Variants in PRRX2 observed in about 807,000 individuals in gnomAD.
PRRX2 encodes paired mesoderm homeobox protein 2.
Under a neutral mutation model 18.0 loss-of-function variants are expected in PRRX2, and 11 were observed. The observed-to-expected ratio is 0.61, with a 90% confidence interval of 0.39 to 1.01. PRRX2 has a LOEUF of 1.01. PRRX2 is among the 50% of genes least tolerant of loss of function. The pLI is 0.01. For missense variants in PRRX2, 387 were observed against 351.0 expected (o/e 1.10, Z -0.82); for synonymous variants, 177 against 154.8 (o/e 1.14, Z -1.06).
chr9:129,698,271 G>A (rs75123749), intron 1 of PRRX2, among the ~76,000 whole-genome samples: 1 of 96,826 alleles, frequency 1.0e-5, no homozygotes, highest in East Asian at 3.6e-4. Flanking sequence ...GGGGGGGGGG[G>A]GCGGGGGCAC....
Position 129,665,959 on chromosome 9 carries a change from G to C in PRRX2, c.92G>C (p.Cys31Ser), listed in dbSNP as rs1360959536. Reference protein sequence around the residue: ...PPPPALGPGDCAQARKNFSVS... With the variant: ...PPPPALGPGDSAQARKNFSVS... ...CCACCCGCGCTGGGGCCCGGCGACT[G>C]CGCCCAGGCGCGCAAGAACTTCTCG... Residue 31 changes from cysteine (C) to serine (S), a missense_variant, in exon 1 of 4, where the codon TGC (cysteine) becomes TCC (serine). Coordinates refer to ENST00000372469, the MANE Select transcript of PRRX2 (RefSeq NM_016307.4). This position sits in a 1 kb window ranked among gnomAD's most constrained non-coding sequence, Gnocchi z 5.3. 2.6e-6 allele frequency: 3 copies of C among 1,139,944 alleles called. No individual in the cohort carries two copies. The highest frequency in any genetic ancestry group is 3.2e-6 in the Non-Finnish European group (3 of 923,204). The allele number at this position is 1,139,944 out of a possible 1,614,324, so 70.6% of individuals were successfully genotyped here. A position where few individuals can be genotyped will look rare whatever the true frequency, so the allele number is the denominator to read the frequency against.
Position 129,720,771 on chromosome 9 carries a change from A to T in PRRX2, c.623A>T (p.Tyr208Phe). 1 of 1,578,390 alleles carries T rather than the reference A, an allele frequency of 6.3e-7. No homozygotes were observed. Among genetic ancestry groups the T allele is most frequent in the Non-Finnish European group, 8.6e-7 (1 of 1,160,084 alleles). The change falls in exon 3 of 4, where the codon TAC (tyrosine) becomes TTC (phenylalanine). Residue 208 changes from tyrosine (Y) to phenylalanine (F), a missense_variant. By Grantham distance (22) the Tyr-to-Phe change is conservative. Transcript: ENST00000372469. ...CTCTCCTGGACAGCCTCGTCCCCCT[A>T]CAGGTGAGAGCGGGAACACCTTTGG... is the stretch of plus-strand genomic sequence containing the variant. ...DYLSWTASSP[Y>F]STVPPYSPGS...
At chr9:129,676,544 C>T (rs547769550) in intron 1 of PRRX2, among the ~76,000 whole-genome samples, 1 of 152,288 alleles carries the variant, frequency 6.6e-6, no homozygotes, top group East Asian at 1.9e-4. Flanking sequence ...GAAGCCAGAG[C>T]CCATGTGCTT....
chr9:129,701,256 C>A (rs898297995), intron 1 of PRRX2, among the ~76,000 whole-genome samples: 2 of 152,212 alleles, frequency 1.3e-5, no homozygotes, highest in Admixed American at 1.3e-4. Flanking sequence ...CACTGTGTGT[C>A]GCTCACAGCG....
rs1428740696 is a variant in PRRX2 at position 129,666,066 on chromosome 9, G to C, written c.199G>C (p.Glu67Gln). 25 of 1,043,696 alleles carry C rather than the reference G, an allele frequency of 2.4e-5. No homozygotes were observed. Among genetic ancestry groups the C allele is most frequent in the Non-Finnish European group, 2.9e-5 (25 of 870,952 alleles). 64.7% of individuals were successfully genotyped at this position (1,043,696 alleles called of 1,614,324 possible). A position where few individuals can be genotyped will look rare whatever the true frequency, so the allele number is the denominator to read the frequency against. ...ARPGARAEAREGAAREPSGGS... is the reference protein window; with the variant it reads ...ARPGARAEARQGAAREPSGGS... Reference sequence around the variant, plus strand: ...CCCCGGGGCCAGGGCCGAGGCGCGGGAGGGCGCAGCACGGGAGCCGTCCGG... The same window carrying C: ...CCCCGGGGCCAGGGCCGAGGCGCGGCAGGGCGCAGCACGGGAGCCGTCCGG... The change falls in exon 1 of 4, where the codon GAG becomes CAG. Residue 67 changes from glutamate (E) to glutamine (Q), a missense_variant. Physicochemically the swap from Glu to Gln is conservative, Grantham distance 29 (BLOSUM62 2). Coordinates refer to ENST00000372469, the MANE Select transcript of PRRX2 (RefSeq NM_016307.4).
rs1311311715 is a variant in PRRX2 at position 129,715,124 on chromosome 9, C to T, written c.260-4107C>T. ...CCACAGGGCCACCACGTGCTCCCTC[C>T]CCACTGCCCCCACAGCCCCCGCCTG... is the stretch of plus-strand genomic sequence containing the variant. On this transcript the variant is annotated intron_variant, in intron 1 of 3. Coordinates refer to ENST00000372469, the MANE Select transcript of PRRX2 (RefSeq NM_016307.4). The surrounding 1 kb of genome is among the most constrained non-coding windows in gnomAD (Gnocchi z 4.0). 1.3e-5 allele frequency among the ~76,000 whole-genome samples: 2 copies of T among 152,124 alleles called. No individual in the cohort carries two copies. The highest frequency in any genetic ancestry group is 2.9e-5 in the Non-Finnish European group (2 of 68,038).
chr9:129,687,510 C>T (rs575596746), intron 1 of PRRX2, among the ~76,000 whole-genome samples: 1 of 152,324 alleles, frequency 6.6e-6, no homozygotes, highest in East Asian at 1.9e-4. Context: ...GCCACTCCAC[C>T]GTCACTAACT....
chr9:129,688,005 C>T (rs1355267733), intron 1 of PRRX2, among the ~76,000 whole-genome samples: 1 of 152,186 alleles, frequency 6.6e-6, no homozygotes, highest in East Asian at 1.9e-4. Context: ...AAGCGGTCCT[C>T]CTGCCTAAGC....
Position 129,675,684 on chromosome 9 carries a change from G to A in PRRX2, c.259+9558G>A, listed in dbSNP as rs1832155079. Among the ~76,000 whole-genome samples, 3 of 151,464 alleles carry A rather than the reference G, an allele frequency of 2.0e-5. No homozygotes were observed. Among genetic ancestry groups the A allele is most frequent in the Non-Finnish European group, 4.4e-5 (3 of 67,942 alleles). Reference sequence around the variant, plus strand: ...GCTGGCCTCCCTTCTTGCCGTGGGCGCAGACGTTTACACGCCAGAGATGGC... The same window carrying A: ...GCTGGCCTCCCTTCTTGCCGTGGGCACAGACGTTTACACGCCAGAGATGGC... On this transcript the variant is annotated intron_variant, in intron 1 of 3. Coordinates refer to ENST00000372469, the MANE Select transcript of PRRX2 (RefSeq NM_016307.4). The surrounding 1 kb of genome is among the most constrained non-coding windows in gnomAD (Gnocchi z 4.4).
rs930329065 is a variant in PRRX2, at chr9:129,696,999, C to G, written c.260-22232C>G. 4.6e-5 allele frequency among the ~76,000 whole-genome samples: 7 copies of G among 152,244 alleles called. No homozygotes were observed. In the East Asian group the frequency reaches 1.2e-3, roughly 25 times the overall value. On this transcript the variant is annotated intron_variant, in intron 1 of 3. Transcript: ENST00000372469. The stretch of plus-strand genomic sequence containing the variant: ...TGGGCGACTGACCTCCCTCCCTAGT[C>G]TCGGTTATCCCGACTGTTAAACGGG...
intron 1 of PRRX2, among the ~76,000 whole-genome samples, chr9:129,698,291 G>A (rs1173436719): frequency 7.3e-6 from 1 of 136,594 alleles, no homozygotes; most frequent in African/African-American, 2.6e-5. Context: ...CTTAGGCTCT[G>A]TCTCCATGGT....
chr9:129,702,169 G>A (rs1433197442), intron 1 of PRRX2, among the ~76,000 whole-genome samples: 2 of 151,880 alleles, frequency 1.3e-5, no homozygotes, highest in Middle Eastern at 3.2e-3. Flanking sequence ...AGGCTGAGGC[G>A]GGTGGATCAC....
intron 1 of PRRX2, among the ~76,000 whole-genome samples, chr9:129,705,636 C>T (rs1435507420): frequency 4.0e-5 from 6 of 151,350 alleles, no homozygotes; most frequent in African/African-American, 1.5e-4. Context: ...ATTACAAGCA[C>T]GAGCCACTGT....
intron 1 of PRRX2, among the ~76,000 whole-genome samples, chr9:129,689,598 C>T (rs949604876): frequency 6.6e-6 from 1 of 152,040 alleles, no homozygotes; most frequent in Non-Finnish European, 1.5e-5. Flanking sequence ...GCGCAAAGAC[C>T]TTGCACTTGG....
chr9:129,721,860 C>T (rs1030315831), intron 3 of PRRX2, among the ~76,000 whole-genome samples: 2 of 152,008 alleles, frequency 1.3e-5, no homozygotes, highest in African/African-American at 4.8e-5. Flanking sequence ...GGATTACAGG[C>T]GTGAGCCACC....
At chr9:129,688,435 C>T (rs1031779945) in intron 1 of PRRX2, among the ~76,000 whole-genome samples, 7 of 152,180 alleles carry the variant, frequency 4.6e-5, no homozygotes, top group African/African-American at 1.7e-4. Flanking sequence ...TACCCTGGAC[C>T]TGTGTCTACA....
intron 1 of PRRX2, among the ~76,000 whole-genome samples, chr9:129,669,683 G>A (rs981276976): frequency 1.3e-5 from 2 of 152,174 alleles, no homozygotes; most frequent in Non-Finnish European, 2.9e-5. Flanking sequence ...GCAAGGCAGG[G>A]TGAGGTGGGA....
intron 1 of PRRX2, among the ~76,000 whole-genome samples, chr9:129,697,354 C>T (rs866965611): frequency 1.3e-5 from 2 of 151,984 alleles, no homozygotes; most frequent in Non-Finnish European, 2.9e-5. Flanking sequence ...CCCTCCCGCC[C>T]GGCCGGGGCG....
Position 129,719,212 on chromosome 9 carries a change from GC to G in PRRX2, c.260-12del, listed in dbSNP as rs3214712. The G allele has an allele frequency of 8.4e-6, 13 of 1,541,674 alleles. No individual in the cohort carries two copies. The highest frequency in any genetic ancestry group is 2.3e-5 in the East Asian group (1 of 42,782). ...CACTGGCCGTCCTGCTGACCATCCCGCCCCCCCAACCTCCGCAGGTGAGTGT... is the reference window on the plus strand; with the variant it reads ...CACTGGCCGTCCTGCTGACCATCCCGCCCCCCAACCTCCGCAGGTGAGTGT... On this transcript the variant is annotated intron_variant, in intron 1 of 3. Transcript: ENST00000372469.
Sources: gnomAD v4.1 joint callset for allele counts (sites outside exome capture counted in the v4.1 genomes callset) on GRCh38, gnomAD v4.1.1 for gene constraint, Gnocchi (gnomAD v3.1) non-coding constraint, MANE v1.5 for transcripts, NCBI Gene and HGNC (gene_info 2026-07-23, HGNC 2026-07-21) for gene names.